The following HPCAL1 variants were observed in gnomAD, a reference collection of about 807,000 sequenced individuals.
The protein encoded by HPCAL1 is hippocalcin-like protein 1.
Under a neutral mutation model 17.1 loss-of-function variants are expected in HPCAL1, and 8 were observed. The observed-to-expected ratio is 0.47, with a 90% CI of 0.27 to 0.84. The LOEUF (loss-of-function observed/expected upper bound fraction) is 0.84, where lower values mean the gene tolerates loss of function less well. Among genes scored for constraint, HPCAL1 ranks in the 40% least tolerant of loss-of-function variants. HPCAL1 has a pLI of 0.13. For missense variants in HPCAL1, 165 were observed against 271.1 expected (o/e 0.61, Z 2.75); for synonymous variants, 112 against 111.4 (o/e 1.01, Z -0.03).
intron 1 of HPCAL1, among the ~76,000 whole-genome samples, chr2:10,346,719 A>G (rs192063695): frequency 1.3e-5 from 2 of 152,244 alleles, no homozygotes; most frequent in African/African-American, 2.4e-5. Flanking sequence ...AATGAAGTGT[A>G]CTGTGTTTTC....
chr2:10,356,641 C>A (rs1432461156), intron 1 of HPCAL1, among the ~76,000 whole-genome samples: 2 of 152,144 alleles, frequency 1.3e-5, no homozygotes, highest in African/African-American at 4.8e-5. Context: ...GGCCCCGTGC[C>A]CCACACACCA....
intron 1 of HPCAL1, among the ~76,000 whole-genome samples, chr2:10,380,784 C>T (rs2125537218): frequency 6.6e-6 from 1 of 152,334 alleles, no homozygotes. Flanking sequence ...GCATCCTGCA[C>T]TCACTCACCT....
Position 10,305,390 on chromosome 2 carries a change from T to A in HPCAL1, c.-111+2213T>A, listed in dbSNP as rs186493602. On this transcript the variant is annotated intron_variant, in intron 1 of 4. Coordinates refer to ENST00000307845, the MANE Select transcript of HPCAL1 (RefSeq NM_002149.4). The stretch of plus-strand genomic sequence containing the variant: ...TCTATTTCTGTTTCACTTTTGAAAG[T>A]GCCTGTAATTACTGAGCTCTTGAGG... Among the ~76,000 whole-genome samples, 532 of 152,332 alleles carry A rather than the reference T, an allele frequency of 3.5e-3. 3 individuals are homozygous for A. Among genetic ancestry groups the A allele is most frequent in the Middle Eastern group, 0.027 (8 of 294 alleles).
intron 1 of HPCAL1, among the ~76,000 whole-genome samples, chr2:10,305,741 A>G (rs1207799219): frequency 1.3e-5 from 2 of 152,246 alleles, no homozygotes; most frequent in Non-Finnish European, 2.9e-5. Flanking sequence ...TAAGTGAAAT[A>G]CAAGAACGTG....
intron 1 of HPCAL1, among the ~76,000 whole-genome samples, chr2:10,370,189 C>T (rs940633310): frequency 6.6e-6 from 1 of 152,234 alleles, no homozygotes; most frequent in Non-Finnish European, 1.5e-5. Context: ...TCAGTAGTGG[C>T]TCCCTTCCCA....
chr2:10,317,800 C>A (rs1317210334), intron 1 of HPCAL1, among the ~76,000 whole-genome samples: 1 of 152,200 alleles, frequency 6.6e-6, no homozygotes, highest in Middle Eastern at 3.2e-3. Flanking sequence ...GGAGGCCCTG[C>A]CCTGGCGGAG....
intron 2 of HPCAL1, among the ~76,000 whole-genome samples, chr2:10,399,513 G>C (rs74171478): frequency 1.5e-5 from 1 of 67,356 alleles, no homozygotes; most frequent in African/African-American, 6.0e-5. Context: ...CACCACCACC[G>C]CCGCCACCAC....
chr2:10,304,248 C>G lies in HPCAL1; in HGVS notation c.-111+1071C>G, dbSNP rs765398029. ...TCTCCTGGCCGGGAGGCAGCGACTG[C>G]GGAGTTGAGAACCCTTTGGTTCAAC... On this transcript the variant is annotated intron_variant, in intron 1 of 4. Transcript: ENST00000307845. This position sits in a 1 kb window ranked among gnomAD's most constrained non-coding sequence, Gnocchi z 4.1. Among the ~76,000 whole-genome samples, 16 of 152,198 alleles carry G rather than the reference C, an allele frequency of 1.1e-4. No individual in the cohort carries two copies. The Middle Eastern group carries it at 0.01, about 98-fold the overall frequency.
intron 1 of HPCAL1, among the ~76,000 whole-genome samples, chr2:10,370,395 G>A (rs987388355): frequency 4.6e-5 from 7 of 152,228 alleles, no homozygotes; most frequent in Admixed American, 3.3e-4. Context: ...GCTTGACACT[G>A]ACCTGTTTTG....
rs1397510703 is a variant in HPCAL1 at position 10,362,003 on chromosome 2, T to C, written c.-110-34832T>C. ...GATTACAGGCATGAGCTGCCATGTG[T>C]GGCTGACATTAGCTAATTTAATTCT... On this transcript the variant is annotated intron_variant, in intron 1 of 4. Coordinates refer to ENST00000307845, the MANE Select transcript of HPCAL1 (RefSeq NM_002149.4). This position sits in a 1 kb window ranked among gnomAD's most constrained non-coding sequence, Gnocchi z 5.0. Among the ~76,000 whole-genome samples, 1 of 152,226 alleles carries C rather than the reference T, an allele frequency of 6.6e-6. No homozygotes were observed. The highest frequency in any genetic ancestry group is 1.5e-5 in the Non-Finnish European group (1 of 68,040).
chr2:10,427,344 T>A lies in HPCAL1; in HGVS notation c.*523T>A, dbSNP rs1316350345. 6.4e-6 allele frequency: 1 copy of A among 156,532 alleles called. No individual in the cohort carries two copies. The highest frequency in any genetic ancestry group is 1.9e-4 in the East Asian group (1 of 5,352). 9.7% of individuals were successfully genotyped at this position (156,532 alleles called of 1,614,324 possible). ...CTTTTAATATATAAATTATGTATGG[T>A]GAAGTGGAGTGTATTGTGTAGGTCC... On this transcript the variant is annotated 3_prime_UTR_variant, in exon 5 of 5. Coordinates refer to ENST00000307845, the MANE Select transcript of HPCAL1 (RefSeq NM_002149.4).
At chr2:10,355,774 T>C (rs1220303439) in intron 1 of HPCAL1, among the ~76,000 whole-genome samples, 1 of 152,116 alleles carries the variant, frequency 6.6e-6, no homozygotes, top group Non-Finnish European at 1.5e-5. Context: ...ATGGACACTT[T>C]TTTTTTTTCC....
chr2:10,339,995 A>T (rs1201170445), intron 1 of HPCAL1, among the ~76,000 whole-genome samples: 1 of 152,208 alleles, frequency 6.6e-6, no homozygotes, highest in African/African-American at 2.4e-5. Context: ...GCTTCATGAC[A>T]TTGGGATGAG....
At chr2:10,340,748 C>T (rs1170319361) in intron 1 of HPCAL1, among the ~76,000 whole-genome samples, 8 of 152,156 alleles carry the variant, frequency 5.3e-5, no homozygotes, top group African/African-American at 9.7e-5. Flanking sequence ...AAGAAAGTCT[C>T]CAGGCTGCAG....
chr2:10,341,546 G>C (rs74966873), intron 1 of HPCAL1, among the ~76,000 whole-genome samples: 145 of 152,250 alleles, frequency 9.5e-4, no homozygotes, highest in Non-Finnish European at 1.8e-3. Flanking sequence ...ACCAATGGGT[G>C]GGGGCTTTGG....
At chr2:10,314,053 C>A (rs1663148379) in intron 1 of HPCAL1, among the ~76,000 whole-genome samples, 1 of 151,836 alleles carries the variant, frequency 6.6e-6, no homozygotes, top group East Asian at 1.9e-4. Flanking sequence ...ATTGCTTCAA[C>A]CCAGGAGGCA....
At chr2:10,375,477 AC>A (rs1438538378) in intron 1 of HPCAL1, among the ~76,000 whole-genome samples, 1 of 152,162 alleles carries the variant, frequency 6.6e-6, no homozygotes, top group African/African-American at 2.4e-5. Context: ...CATAGGTACG[AC>A]CACCACTCCC....
chr2:10,398,744 G>C (rs975141347), intron 2 of HPCAL1, among the ~76,000 whole-genome samples: 6 of 152,188 alleles, frequency 3.9e-5, no homozygotes, highest in African/African-American at 1.4e-4. Flanking sequence ...CTCTTCCTGA[G>C]GGAGGCGATT....
At chr2:10,420,888 G>T (rs1363821518) in intron 3 of HPCAL1, among the ~76,000 whole-genome samples, 1 of 152,204 alleles carries the variant, frequency 6.6e-6, no homozygotes, top group African/African-American at 2.4e-5. Context: ...AGCCTCCCAT[G>T]TAGCTGGGAT....
Sources: gnomAD v4.1 joint callset for allele counts (sites outside exome capture counted in the v4.1 genomes callset) on GRCh38, gnomAD v4.1.1 for gene constraint, Gnocchi (gnomAD v3.1) non-coding constraint, MANE v1.5 for transcripts, NCBI Gene and HGNC (gene_info 2026-07-23, HGNC 2026-07-21) for gene names.